Variants in SMAGP observed in about 807,000 individuals in gnomAD.
The protein encoded by SMAGP is small cell adhesion glycoprotein, also known as small cell transmembrane and glycosylated protein.
In SMAGP, 7 loss-of-function variants were observed where a neutral mutation model predicts 10.1. The observed-to-expected ratio is 0.70, with a 90% confidence interval of 0.40 to 1.31. The LOEUF (loss-of-function observed/expected upper bound fraction) is 1.31. Ranked by LOEUF, SMAGP falls within the 50% of genes most tolerant of loss-of-function variation. SMAGP has a pLI of 0.01. For synonymous variants in SMAGP, 49 were observed against 47.2 expected, an observed-to-expected ratio of 1.04 and a Z score of -0.16; for missense variants, 113 against 116.5, an observed-to-expected ratio of 0.97 and a Z score of 0.14.
chr12:51,266,585 C>T (rs1944976326), intron 2 of SMAGP, among the ~76,000 whole-genome samples: 1 of 151,760 alleles, frequency 6.6e-6, no homozygotes, highest in Admixed American at 6.6e-5. Context: ...TATAGTTGTT[C>T]TATTTTATTA....
intron 2 of SMAGP, among the ~76,000 whole-genome samples, chr12:51,268,885 CTCTT>C (rs900973460): frequency 9.2e-5 from 14 of 152,132 alleles, no homozygotes; most frequent in African/African-American, 2.4e-4. Context: ...CACGCCCGGC[CTCTT>C]TCTTTCTTTT....
chr12:51,258,879 G>A (rs1944908401), intron 2 of SMAGP, among the ~76,000 whole-genome samples: 1 of 151,232 alleles, frequency 6.6e-6, no homozygotes, highest in Non-Finnish European at 1.5e-5. Flanking sequence ...GGGTGCAGTG[G>A]CTCATGCCTG....
Position 51,245,863 on chromosome 12 carries a change from A to G in SMAGP, c.*78T>C. 6.7e-7 allele frequency: 1 copy of G among 1,495,798 alleles called. No homozygotes were observed. Among genetic ancestry groups the G allele is most frequent in the South Asian group, 1.3e-5 (1 of 77,306 alleles). 92.7% of individuals were successfully genotyped at this position (1,495,798 alleles called of 1,614,324 possible). ...TCAATCAATGCTTCTCCCTGGCTTC[A>G]GAGAAAACTTTCCCATAATAAGCAG... is the stretch of plus-strand genomic sequence containing the variant. On this transcript the variant is annotated 3_prime_UTR_variant, in exon 4 of 4. Transcript: ENST00000603798.
At chr12:51,261,704 A>G (rs115854356) in intron 2 of SMAGP, among the ~76,000 whole-genome samples, 1,994 of 152,260 alleles carry the variant, frequency 0.013, 44 homozygotes, top group African/African-American at 0.045. Flanking sequence ...TTATAAATGG[A>G]AAGTGTTCTA....
At chr12:51,259,013 CTGATAGT>C (rs1944910770) in intron 2 of SMAGP, among the ~76,000 whole-genome samples, 1 of 137,266 alleles carries the variant, frequency 7.3e-6, no homozygotes, top group South Asian at 2.4e-4. Flanking sequence ...AAAAAAAAAC[CTGATAGT>C]TGAACCCTGA....
At chr12:51,257,719 A>G (rs1944898502) in intron 2 of SMAGP, among the ~76,000 whole-genome samples, 2 of 152,038 alleles carry the variant, frequency 1.3e-5, no homozygotes, top group African/African-American at 4.8e-5. Flanking sequence ...TAATTTTTGC[A>G]TTTTTAGTAG....
chr12:51,256,061 G>A (rs979464411), intron 2 of SMAGP, among the ~76,000 whole-genome samples: 6 of 152,110 alleles, frequency 3.9e-5, no homozygotes, highest in Admixed American at 1.3e-4. Flanking sequence ...GTGAGCTACC[G>A]TGCCCAACCC....
At chr12:51,269,751 A>T (rs894320764) in intron 1 of SMAGP, 1 of 153,992 alleles carries the variant, frequency 6.5e-6, no homozygotes, top group African/African-American at 2.4e-5. Context: ...ACCCGCGCCC[A>T]GGCTCCAGAG....
At chr12:51,252,323 T>C (rs990460542) in intron 2 of SMAGP, among the ~76,000 whole-genome samples, 2 of 151,690 alleles carry the variant, frequency 1.3e-5, no homozygotes, top group Non-Finnish European at 2.9e-5. Context: ...CTTGATCTCC[T>C]GACCTCGTGA....
intron 2 of SMAGP, 151 bp downstream of exon 2, chr12:51,269,094 T>C (rs1334197105): frequency 2.6e-6 from 2 of 764,968 alleles, no homozygotes; most frequent in Non-Finnish European, 2.2e-6. Context: ...GGGCACACTC[T>C]AGTTCCTGCT....
Position 51,252,811 on chromosome 12 carries a change from C to T in SMAGP, c.35-5980G>A, listed in dbSNP as rs147235537. 4.6e-3 allele frequency among the ~76,000 whole-genome samples: 688 copies of T among 150,568 alleles called. 6 individuals carry two copies. The highest frequency in any genetic ancestry group is 0.016 in the African/African-American group (656 of 41,296). On this transcript the variant is annotated intron_variant, in intron 2 of 3. Coordinates refer to ENST00000603798, the MANE Select transcript of SMAGP (RefSeq NM_001031628.2). The stretch of plus-strand genomic sequence containing the variant: ...GCAGAATTCCCTCAGGCCTTTTCAC[C>T]TCTGTTTCCTATCAAAGAGAATCAT...
Position 51,269,322 on chromosome 12 carries a change from G to A in SMAGP, c.-38-6C>T, listed in dbSNP as rs777086644. The A allele has an allele frequency of 3.2e-5, 52 of 1,612,074 alleles. No homozygotes were observed. The Middle Eastern group carries it at 5.0e-4, about 15-fold the overall frequency. On this transcript the variant is annotated splice_polypyrimidine_tract_variant and splice_region_variant and intron_variant, in intron 1 of 3. Transcript: ENST00000603798. ...TTCTTGGAGAAGAGGCAGATCTGTA[G>A]GAAGAGGGGCAAAGACAGGAATGTA... is the stretch of plus-strand genomic sequence containing the variant.
At chr12:51,248,434 A>ACACACACACACACTCTCACTCTCTCTCT (rs1188710796) in intron 2 of SMAGP, among the ~76,000 whole-genome samples, 2 of 77,564 alleles carry the variant, frequency 2.6e-5, no homozygotes, top group African/African-American at 1.0e-4. Flanking sequence ...ACACACACAC[A>ACACACACACACACTCTCACTCTCTCTCT]CTCTCTCTCT....
chr12:51,252,690 G>GA lies in SMAGP; in HGVS notation c.35-5860dup, dbSNP rs370125200. ...ACAGGCGTGAGCCACATCGCCCCCC[G>GA]AAGGACAATTTAAAAAGCATTATAT... is the stretch of plus-strand genomic sequence containing the variant. On this transcript the variant is annotated intron_variant, in intron 2 of 3. Coordinates refer to ENST00000603798, the MANE Select transcript of SMAGP (RefSeq NM_001031628.2). Among the ~76,000 whole-genome samples the GA allele has an allele frequency of 1.7e-3, 247 of 149,416 alleles. 3 individuals carry two copies. The highest frequency in any genetic ancestry group is 6.0e-3 in the African/African-American group (242 of 40,146).
At chr12:51,267,310 T>G (rs1226428451) in intron 2 of SMAGP, among the ~76,000 whole-genome samples, 2 of 152,006 alleles carry the variant, frequency 1.3e-5, no homozygotes, top group Non-Finnish European at 2.9e-5. Context: ...TATGAGGTAT[T>G]CTACCTTTAT....
intron 3 of SMAGP, 56 bp from the exon 4 acceptor site, chr12:51,246,175 G>C: frequency 6.3e-7 from 1 of 1,586,142 alleles, no homozygotes; most frequent in Non-Finnish European, 8.6e-7. Context: ...TGTCTCAGTA[G>C]TTCCTGGAGT....
chr12:51,268,575 T>TCCC (rs1565661809), intron 2 of SMAGP, among the ~76,000 whole-genome samples: 6 of 54,060 alleles, frequency 1.1e-4, no homozygotes, highest in Non-Finnish European at 1.7e-4. Flanking sequence ...CCTTCCTTCC[T>TCCC]TCCTTTCCTT....
At chr12:51,254,877 C>T (rs2137301411) in intron 2 of SMAGP, among the ~76,000 whole-genome samples, 1 of 152,248 alleles carries the variant, frequency 6.6e-6, no homozygotes, top group East Asian at 1.9e-4. Context: ...AGTATGGAGG[C>T]CCCTGAGTGG....
intron 2 of SMAGP, among the ~76,000 whole-genome samples, chr12:51,264,569 T>C (rs910136501): frequency 6.8e-6 from 1 of 147,082 alleles, no homozygotes; most frequent in African/African-American, 2.5e-5. Context: ...GGGTCTGTAG[T>C]GAGCCAGGAT....
Sources: gnomAD v4.1 joint callset for allele counts (sites outside exome capture counted in the v4.1 genomes callset) on GRCh38, gnomAD v4.1.1 for gene constraint, MANE v1.5 for transcripts, NCBI Gene and HGNC (gene_info 2026-07-23, HGNC 2026-07-21) for gene names.